Variants in AIMP1 observed in about 807,000 individuals in gnomAD.
AIMP1 encodes aminoacyl tRNA synthase complex-interacting multifunctional protein 1.
Under a neutral mutation model 33.1 loss-of-function variants are expected in AIMP1, and 24 were observed. The observed-to-expected ratio is 0.73, with a 90% CI of 0.53 to 1.02. The LOEUF (loss-of-function observed/expected upper bound fraction) is 1.02, where lower values mean the gene tolerates loss of function less well. Among genes scored for constraint, AIMP1 ranks in the 50% least tolerant of loss-of-function variants. The pLI is 0.00. For synonymous variants in AIMP1, 120 were observed against 121.5 expected (o/e 0.99, Z 0.08); for missense variants, 367 against 364.8 (o/e 1.01, Z -0.05).
chr4:106,332,650 T>C (rs895004580), intron 5 of AIMP1, among the ~76,000 whole-genome samples: 4 of 146,792 alleles, frequency 2.7e-5, no homozygotes, highest in Admixed American at 1.4e-4. Context: ...TATAAGTTGG[T>C]TCACTTTTTT....
At chr4:106,335,356 A>G (rs531737342) in intron 5 of AIMP1, among the ~76,000 whole-genome samples, 4 of 152,082 alleles carry the variant, frequency 2.6e-5, no homozygotes, top group Admixed American at 6.6e-5. Context: ...TTTCTCTTCC[A>G]GCAGCCATCA....
At position 106,328,149 on chromosome 4, in the gene AIMP1, T is replaced by C. The variant is rs1454258965; in HGVS notation, c.297T>C (p.Ser99=). 1 of 1,613,486 alleles carries C rather than the reference T, an allele frequency of 6.2e-7. No homozygotes were observed. The highest frequency in any genetic ancestry group is 8.5e-7 in the Non-Finnish European group (1 of 1,179,760). The change falls in exon 4 of 7, where the codon TCT becomes TCC. Residue 99 remains serine (S), a synonymous_variant. Coordinates refer to ENST00000672341, the MANE Select transcript of AIMP1 (RefSeq NM_001142416.2). ...NSMVSENVIQ[S]TAVTTVSSGT... ...TGGTTTCTGAAAATGTGATACAGTC[T>C]ACAGCAGTAACAACCGTATCTTCTG...
chr4:106,346,211 G>A (rs1301115988), intron 6 of AIMP1, among the ~76,000 whole-genome samples: 1 of 152,006 alleles, frequency 6.6e-6, no homozygotes, highest in Non-Finnish European at 1.5e-5. Flanking sequence ...ATTAAGTAGA[G>A]GAGCTGTTTG....
At chr4:106,325,308 A>G (rs1769416968) in intron 2 of AIMP1, among the ~76,000 whole-genome samples, 190 bp downstream of exon 2, 2 of 151,980 alleles carry the variant, frequency 1.3e-5, no homozygotes, top group Non-Finnish European at 2.9e-5. Flanking sequence ...GTTTAAATGT[A>G]TTTTATTTTC....
In AIMP1 at chr4:106,325,061, G is replaced by A. The variant is rs1197271390; in HGVS notation, c.52G>A (p.Ala18Thr). Residue 18 changes from alanine (A) to threonine (T), a missense_variant, in exon 2 of 7, where the codon GCA (alanine) becomes ACA (threonine). Ala to Thr is a moderately conservative substitution (Grantham distance 58). Transcript: ENST00000672341. ...GAGACTGGAGCAGAAGGGTGCAGAG[G>A]CAGATCAAATCATTGAATATCTTAA... The part of the protein sequence containing the change: ...LKRLEQKGAE[A>T]DQIIEYLKQQ... 1 of 1,613,118 alleles carries A rather than the reference G, an allele frequency of 6.2e-7. No homozygotes were observed. Among genetic ancestry groups the A allele is most frequent in the Non-Finnish European group, 8.5e-7 (1 of 1,179,396 alleles).
intron 6 of AIMP1, among the ~76,000 whole-genome samples, chr4:106,337,959 G>A (rs1228662123): frequency 1.3e-5 from 2 of 152,180 alleles, no homozygotes; most frequent in Non-Finnish European, 2.9e-5. Flanking sequence ...CTATACTTTA[G>A]CAAAGAGACT....
chr4:106,331,683 G>A lies in AIMP1; in HGVS notation c.403G>A (p.Glu135Lys). The stretch of plus-strand genomic sequence containing the variant: ...TAAATACTTTTTAGGAGAGAAGAAG[G>A]AGAAAAAACAGCAATCAATAGCTGG... ...EKIEKKGEKK[E>K]KKQQSIAGSA... The change falls in exon 5 of 7, where the codon GAG becomes AAG. Residue 135 changes from glutamate to lysine, a missense_variant. Glu to Lys is a moderately conservative substitution (Grantham distance 56). Coordinates refer to ENST00000672341, the MANE Select transcript of AIMP1 (RefSeq NM_001142416.2). 1 of 1,613,926 alleles carries A rather than the reference G, an allele frequency of 6.2e-7. No individual in the cohort carries two copies. The highest frequency in any genetic ancestry group is 8.5e-7 in the Non-Finnish European group (1 of 1,179,910).
At chr4:106,318,377 A>G (rs906344300) in intron 1 of AIMP1, among the ~76,000 whole-genome samples, 1 of 152,184 alleles carries the variant, frequency 6.6e-6, no homozygotes, top group South Asian at 2.1e-4. Context: ...ATTGCTTTAC[A>G]CTATAATAAG....
rs545547689 is a variant in AIMP1 at position 106,337,676 on chromosome 4, G to C, written c.772+639G>C. ...CACTGCTGTAAAGATATCCGAAAGTGTGGAAGCGACTTTGGAACTGGGTAA... is the reference window on the plus strand; with the variant it reads ...CACTGCTGTAAAGATATCCGAAAGTCTGGAAGCGACTTTGGAACTGGGTAA... On this transcript the variant is annotated intron_variant, in intron 6 of 6. Transcript: ENST00000672341. Among the ~76,000 whole-genome samples the C allele has an allele frequency of 4.6e-5, 7 of 152,322 alleles. No individual in the cohort carries two copies. In the South Asian group the frequency reaches 1.4e-3, roughly 32 times the overall value.
At chr4:106,315,885 A>T (rs1357457488), upstream of AIMP1, 1 of 152,514 alleles carries the variant, frequency 6.6e-6, no homozygotes, top group African/African-American at 2.4e-5. Context: ...CCTCCCACAG[A>T]CCCCACCCAC....
chr4:106,323,708 T>A (rs757354586), intron 1 of AIMP1, among the ~76,000 whole-genome samples: 3 of 152,000 alleles, frequency 2.0e-5, no homozygotes, highest in Non-Finnish European at 2.9e-5. Flanking sequence ...TAAGTAATGA[T>A]GAAATATACT....
At chr4:106,344,561 C>T (rs1770222679) in intron 6 of AIMP1, among the ~76,000 whole-genome samples, 1 of 152,190 alleles carries the variant, frequency 6.6e-6, no homozygotes, top group African/African-American at 2.4e-5. Flanking sequence ...AGTCTTCTAA[C>T]TTATCATCCT....
intron 5 of AIMP1, among the ~76,000 whole-genome samples, chr4:106,332,689 C>T (rs1004842855): frequency 4.7e-5 from 7 of 147,552 alleles, no homozygotes; most frequent in Admixed American, 2.0e-4. Context: ...ACTCATTATA[C>T]ATCTGTCTAT....
intron 5 of AIMP1, among the ~76,000 whole-genome samples, chr4:106,332,848 A>G (rs1769734304): frequency 6.6e-6 from 1 of 151,842 alleles, no homozygotes; most frequent in East Asian, 1.9e-4. Flanking sequence ...AGAGCCATGC[A>G]TATGACCAAG....
chr4:106,331,685 G>GA lies in AIMP1; in HGVS notation c.411dup (p.Gln138ThrfsTer11). 2 of 1,613,984 alleles carry GA rather than the reference G, an allele frequency of 1.2e-6. No homozygotes were observed. The highest frequency in any genetic ancestry group is 1.7e-6 in the Non-Finnish European group (2 of 1,179,918). ...AATACTTTTTAGGAGAGAAGAAGGA[G>GA]AAAAAACAGCAATCAATAGCTGGAA... On this transcript the variant is annotated frameshift_variant, in exon 5 of 7. Coordinates refer to ENST00000672341, the MANE Select transcript of AIMP1 (RefSeq NM_001142416.2). LOFTEE classifies it high-confidence loss of function.
chr4:106,333,196 G>A lies in AIMP1; in HGVS notation c.603+1313G>A, dbSNP rs1042804652. ...ACTTTTCTGCTAGTGTTATATTTACGGAAGGTTAAGAAGAGACTCGAGTAT... is the reference window on the plus strand; with the variant it reads ...ACTTTTCTGCTAGTGTTATATTTACAGAAGGTTAAGAAGAGACTCGAGTAT... On this transcript the variant is annotated intron_variant, in intron 5 of 6. Coordinates refer to ENST00000672341, the MANE Select transcript of AIMP1 (RefSeq NM_001142416.2). 2.0e-5 allele frequency among the ~76,000 whole-genome samples: 3 copies of A among 151,996 alleles called. No homozygotes were observed. In the South Asian group the frequency reaches 6.2e-4, roughly 32 times the overall value.
rs1004389229 is a variant in AIMP1 at position 106,348,711 on chromosome 4, A to T, written c.*1019A>T. ...AGGTGATTACTGATGATTTGGGCTT[A>T]CACACATGTCAGCAAGATAGGGAGT... is the stretch of plus-strand genomic sequence containing the variant. On this transcript the variant is annotated 3_prime_UTR_variant, in exon 7 of 7. Transcript: ENST00000672341. The T allele has an allele frequency of 2.2e-4, 34 of 152,300 alleles. No homozygotes were observed. Among genetic ancestry groups the T allele is most frequent in the African/African-American group, 7.7e-4 (32 of 41,568 alleles). The allele number at this position is 152,300 out of a possible 1,614,324, so 9.4% of individuals were successfully genotyped here. A position where few individuals can be genotyped will look rare whatever the true frequency, so the allele number is the denominator to read the frequency against.
rs749460581 is a variant in AIMP1 at position 106,336,992 on chromosome 4, A to G, written c.727A>G (p.Asn243Asp). The G allele has an allele frequency of 8.1e-6, 13 of 1,614,100 alleles. No individual in the cohort carries two copies. The highest frequency in any genetic ancestry group is 1.3e-5 in the African/African-American group (1 of 75,038). The stretch of plus-strand genomic sequence containing the variant: ...GAAAATTGAAATCTTGGCTCCTCCA[A>G]ATGGGTCTGTTCCTGGAGACAGAAT... ...PEKIEILAPP[N>D]GSVPGDRITF... Residue 243 changes from asparagine to aspartate, a missense_variant, in exon 6 of 7, where the codon AAT becomes GAT. Physicochemically the swap from Asn to Asp is conservative, Grantham distance 23. Coordinates refer to ENST00000672341, the MANE Select transcript of AIMP1 (RefSeq NM_001142416.2).
intron 1 of AIMP1, among the ~76,000 whole-genome samples, chr4:106,323,905 A>AG (rs1769364110): frequency 6.6e-6 from 1 of 152,096 alleles, no homozygotes; most frequent in South Asian, 2.1e-4. Context: ...CAAAATTAAG[A>AG]GAAAAACTAG....
Sources: allele counts gnomAD v4.1 joint callset (sites outside exome capture counted in the v4.1 genomes callset), GRCh38; gene constraint gnomAD v4.1.1; transcripts MANE v1.5; gene names NCBI Gene and HGNC (gene_info 2026-07-23, HGNC 2026-07-21).